FGD4: variants seen among roughly 807,000 people sequenced by gnomAD.
FGD4 encodes the protein FYVE, RhoGEF and PH domain-containing protein 4.
FGD4 carries 42 observed loss-of-function variants against 102.0 expected under a neutral mutation model. The observed-to-expected ratio is 0.41, with a 90% confidence interval of 0.32 to 0.53. FGD4 has a LOEUF of 0.53. FGD4 is among the 20% of genes least tolerant of loss of function. The pLI is 0.21. For synonymous variants in FGD4, 380 were observed against 375.7 expected (o/e 1.01, Z -0.13); for missense variants, 902 against 1,078.2 (o/e 0.84, Z 2.29).
chr12:32,557,169 A>G (rs1944188381), intron 1 of FGD4, among the ~76,000 whole-genome samples: 1 of 152,240 alleles, frequency 6.6e-6, no homozygotes, highest in Non-Finnish European at 1.5e-5. Flanking sequence ...TGCTTTTTTA[A>G]AAGTCTCTGT....
Position 32,640,717 on chromosome 12 carries a change from C to T in FGD4, c.*184C>T, listed in dbSNP as rs1394256546. ...AAATTAGTGTGCAGAGTCATTCTAC[C>T]GATAAAGTTTTGAAATAATGTGAAA... On this transcript the variant is annotated 3_prime_UTR_variant, in exon 17 of 17. Coordinates refer to ENST00000534526, the MANE Select transcript of FGD4 (RefSeq NM_001370298.3). 9.7e-6 allele frequency: 8 copies of T among 823,640 alleles called. No homozygotes were observed. Among genetic ancestry groups the T allele is most frequent in the South Asian group, 5.4e-5 (3 of 56,040 alleles). The allele number at this position is 823,640 out of a possible 1,614,324, so 51.0% of individuals were successfully genotyped here.
chr12:32,627,963 G>C (rs1284455755), intron 14 of FGD4, among the ~76,000 whole-genome samples: 1 of 152,162 alleles, frequency 6.6e-6, no homozygotes. Flanking sequence ...TTAGAAATAA[G>C]AGAGATGTTG....
chr12:32,479,726 A>AT (rs1185530887), intron 1 of FGD4, among the ~76,000 whole-genome samples: 2 of 147,690 alleles, frequency 1.4e-5, no homozygotes, highest in Non-Finnish European at 3.0e-5. Context: ...AACAGAATTT[A>AT]TTTTTTCCAC....
At chr12:32,482,851 T>C (rs1943802127) in intron 1 of FGD4, among the ~76,000 whole-genome samples, 1 of 152,234 alleles carries the variant, frequency 6.6e-6, no homozygotes, top group African/African-American at 2.4e-5. Flanking sequence ...TGAAGTTAAA[T>C]AGTTCAGGAT....
At chr12:32,469,022 C>CTACTAA (rs1305306419) in intron 1 of FGD4, among the ~76,000 whole-genome samples, 1 of 151,910 alleles carries the variant, frequency 6.6e-6, no homozygotes, top group African/African-American at 2.4e-5. Flanking sequence ...GACGGGGTTT[C>CTACTAA]ACCATGTTGG....
Position 32,504,755 on chromosome 12 carries a change from A to G in FGD4, c.167-59382A>G, listed in dbSNP as rs78724933. ...ATGAAACTTTGAACAAAGTGCTTAG[A>G]GTGATTCAAATCCATGAACATTGAG... On this transcript the variant is annotated intron_variant, in intron 1 of 16. Transcript: ENST00000534526. 2.1e-3 allele frequency among the ~76,000 whole-genome samples: 318 copies of G among 152,348 alleles called. 1 individual carries two copies. Among genetic ancestry groups the G allele is most frequent in the African/African-American group, 7.4e-3 (307 of 41,574 alleles).
intron 4 of FGD4, 43 bp downstream of exon 4, chr12:32,582,510 A>G (rs763741020): frequency 1.2e-6 from 2 of 1,601,854 alleles, no homozygotes; most frequent in South Asian, 1.1e-5. Context: ...AACCCTGCCT[A>G]TTCGATTGTT....
At chr12:32,454,006 T>C (rs567762327) in intron 1 of FGD4, among the ~76,000 whole-genome samples, 1 of 152,222 alleles carries the variant, frequency 6.6e-6, no homozygotes, top group African/African-American at 2.4e-5. Flanking sequence ...GATTGTGGAC[T>C]CGATTTCTGT....
chr12:32,466,205 G>A (rs748260334), intron 1 of FGD4, among the ~76,000 whole-genome samples: 1 of 152,182 alleles, frequency 6.6e-6, no homozygotes, highest in Non-Finnish European at 1.5e-5. Flanking sequence ...AAAAAAGTTT[G>A]CGACTAGCTT....
intron 1 of FGD4, among the ~76,000 whole-genome samples, chr12:32,523,026 A>T (rs1940715182): frequency 6.6e-6 from 1 of 152,194 alleles, no homozygotes; most frequent in Non-Finnish European, 1.5e-5. Flanking sequence ...CTATCTGGAC[A>T]TTTAGGAAGG....
At chr12:32,465,566 G>C (rs1005886992) in intron 1 of FGD4, among the ~76,000 whole-genome samples, 29 of 152,098 alleles carry the variant, frequency 1.9e-4, no homozygotes, top group African/African-American at 7.0e-4. Context: ...TACTCGGGAG[G>C]CTGAGGCAGG....
chr12:32,619,559 G>A, intron 10 of FGD4, 139 bp from the exon 11 acceptor site: 2 of 900,804 alleles, frequency 2.2e-6, no homozygotes. Context: ...GTGAACCCGG[G>A]AGGCAGAGCT....
In FGD4 at chr12:32,645,378, C is replaced by T. The variant is rs1019646914; in HGVS notation, c.*4845C>T. On this transcript the variant is annotated 3_prime_UTR_variant, in exon 17 of 17. Coordinates refer to ENST00000534526, the MANE Select transcript of FGD4 (RefSeq NM_001370298.3). The stretch of plus-strand genomic sequence containing the variant: ...TAAGCATAGGCCGGGCATAGTGGCT[C>T]ATGCCTGTAATCCCAGCCCTTGGGA... The T allele has an allele frequency of 6.6e-6, 1 of 152,120 alleles. No individual in the cohort carries two copies. Among genetic ancestry groups the T allele is most frequent in the South Asian group, 2.1e-4 (1 of 4,826 alleles). 9.4% of individuals were successfully genotyped at this position (152,120 alleles called of 1,614,324 possible).
intron 4 of FGD4, among the ~76,000 whole-genome samples, chr12:32,592,132 C>T (rs992642030): frequency 1.3e-4 from 19 of 151,866 alleles, no homozygotes; most frequent in African/African-American, 2.7e-4. Flanking sequence ...GCCCAGGCTG[C>T]GGTGCAATGG....
chr12:32,433,526 G>A (rs867224286), intron 1 of FGD4, among the ~76,000 whole-genome samples: 1 of 150,804 alleles, frequency 6.6e-6, no homozygotes, highest in South Asian at 2.1e-4. Flanking sequence ...TTGTAGAGAC[G>A]GGGTTTCACC....
At chr12:32,496,188 T>G (rs4604973) in intron 1 of FGD4, among the ~76,000 whole-genome samples, 26,563 of 152,236 alleles carry the variant, frequency 0.17, 2,917 homozygotes, top group East Asian at 0.26. Context: ...GACCTAAAGC[T>G]ATAGTTGTTT....
At chr12:32,634,727 A>G (rs1001413281) in intron 15 of FGD4, among the ~76,000 whole-genome samples, 3 of 152,344 alleles carry the variant, frequency 2.0e-5, no homozygotes, top group Middle Eastern at 3.4e-3. Context: ...GCAGTGGCTC[A>G]TGCCTGTAAT....
intron 1 of FGD4, among the ~76,000 whole-genome samples, chr12:32,495,570 C>T (rs1937750884): frequency 6.6e-6 from 1 of 151,938 alleles, no homozygotes; most frequent in African/African-American, 2.4e-5. Context: ...GTGGCGGGCA[C>T]CTGTAGTCCC....
chr12:32,475,941 C>T (rs754474134), intron 1 of FGD4, among the ~76,000 whole-genome samples: 128 of 152,304 alleles, frequency 8.4e-4, no homozygotes, highest in Non-Finnish European at 1.7e-3. Flanking sequence ...TAAAAAGGAA[C>T]CAAACAGTTC....
Sources: allele counts gnomAD v4.1 joint callset (sites outside exome capture counted in the v4.1 genomes callset), GRCh38; gene constraint gnomAD v4.1.1; transcripts MANE v1.5; gene names NCBI Gene and HGNC (gene_info 2026-07-23, HGNC 2026-07-21).